Variants in EIF2AK2 observed in about 807,000 individuals in gnomAD.
EIF2AK2 encodes the protein eukaryotic translation initiation factor 2 alpha kinase 2.
A neutral mutation model predicts 70.5 loss-of-function variants in EIF2AK2; 40 were observed. The observed-to-expected ratio is 0.57, with a 90% CI of 0.44 to 0.74. EIF2AK2 has a LOEUF of 0.74. EIF2AK2 is among the 30% of genes least tolerant of loss of function. The probability of loss-of-function intolerance (pLI) is 0.00; values close to 1 mark genes in which losing one functional copy is unlikely to be tolerated. For missense variants in EIF2AK2, 555 were observed against 644.3 expected (o/e 0.86, Z 1.50); for synonymous variants, 198 against 220.9 (o/e 0.90, Z 0.92).
At position 37,135,488 on chromosome 2, in the gene EIF2AK2, T is replaced by C; in HGVS notation, c.781A>G (p.Lys261Glu). ...DMKETKYTVDKRFGMDFKEIE... is the reference protein window; with the variant it reads ...DMKETKYTVDERFGMDFKEIE... ...CTTCAGCACTTAAAATCTTACCTCT[T>C]GTCCACAGTATACTTTGTTTCTTTC... The change falls in exon 10 of 17, where the codon AAG (lysine) becomes GAG (glutamate). Residue 261 changes from lysine to glutamate, a missense_variant. Physicochemically the swap from Lys to Glu is moderately conservative, Grantham distance 56. This residue lies in a region of EIF2AK2 where 299 missense variants were observed against 375.4 expected (regional missense o/e 0.80). Transcript: ENST00000233057. 6.2e-7 allele frequency: 1 copy of C among 1,605,620 alleles called. No individual in the cohort carries two copies.
At chr2:37,115,476 G>C (rs573778697) in intron 13 of EIF2AK2, among the ~76,000 whole-genome samples, 43 of 152,058 alleles carry the variant, frequency 2.8e-4, no homozygotes, top group Non-Finnish European at 5.4e-4. Context: ...CAAGGGAAAA[G>C]ATCCAGGACT....
intron 1 of EIF2AK2, among the ~76,000 whole-genome samples, chr2:37,154,309 G>C (rs1030647319): frequency 3.4e-5 from 5 of 148,070 alleles, no homozygotes; most frequent in African/African-American, 1.0e-4. Context: ...TGGGCAACAA[G>C]AGCGAAACTC....
At position 37,141,515 on chromosome 2, in the gene EIF2AK2, T is replaced by C. The variant is rs1416791926; in HGVS notation, c.389+38A>G. ...AAATAAACCAACTTTATTGCTTAAA[T>C]ACAATGAAACAGAAAGAAAAGCCAA... On this transcript the variant is annotated intron_variant, in intron 5 of 16. Coordinates refer to ENST00000233057, the MANE Select transcript of EIF2AK2 (RefSeq NM_001135651.3). The C allele has an allele frequency of 3.1e-6, 5 of 1,599,068 alleles. No individual in the cohort carries two copies. The South Asian group carries it at 5.8e-5, about 18-fold the overall frequency.
At chr2:37,137,563 C>G (rs1675171225) in intron 8 of EIF2AK2, among the ~76,000 whole-genome samples, 1 of 152,184 alleles carries the variant, frequency 6.6e-6, no homozygotes, top group South Asian at 2.1e-4. Flanking sequence ...CCTACCTTGG[C>G]CTCTCAAGTG....
In EIF2AK2 at chr2:37,148,577, C is replaced by T. The variant is rs1675637523; in HGVS notation, c.-17+280G>A. ...CCAGCTTCGTACTACAAATGAGTGC[C>T]ATAAAACCTACTATACTTGTCACAC... On this transcript the variant is annotated intron_variant, in intron 2 of 16. Transcript: ENST00000233057. 5 of 788,374 alleles carry T rather than the reference C, an allele frequency of 6.3e-6. No individual in the cohort carries two copies. In the South Asian group the frequency reaches 6.9e-5, roughly 11 times the overall value. 48.8% of individuals were successfully genotyped at this position (788,374 alleles called of 1,614,324 possible). A position where few individuals can be genotyped will look rare whatever the true frequency, so the allele number is the denominator to read the frequency against.
chr2:37,131,718 G>A (rs1015520052), intron 10 of EIF2AK2, among the ~76,000 whole-genome samples: 4 of 151,894 alleles, frequency 2.6e-5, no homozygotes, highest in Non-Finnish European at 4.4e-5. Context: ...AGATGGCAGC[G>A]CATCAAAAAA....
rs927659795 is a variant in EIF2AK2, at chr2:37,104,440, C to T, written c.*2833G>A. The T allele has an allele frequency of 2.6e-5, 4 of 152,028 alleles. No individual in the cohort carries two copies. The highest frequency in any genetic ancestry group is 5.9e-5 in the Non-Finnish European group (4 of 68,062). The allele number at this position is 152,028 out of a possible 1,614,324, so 9.4% of individuals were successfully genotyped here. ...GCTCAAGTGATCCTCCCACCTCACC[C>T]CCCCAAGTAGCTGGGACCACAGATG... On this transcript the variant is annotated 3_prime_UTR_variant, in exon 17 of 17. Coordinates refer to ENST00000233057, the MANE Select transcript of EIF2AK2 (RefSeq NM_001135651.3).
chr2:37,123,206 GCAT>G (rs1674616699), intron 11 of EIF2AK2, among the ~76,000 whole-genome samples: 2 of 151,914 alleles, frequency 1.3e-5, no homozygotes, highest in Non-Finnish European at 2.9e-5. Context: ...TTAATGCCAA[GCAT>G]CAGACAATTT....
At chr2:37,111,398 C>CTTTTTTTTTTTTTTTTTTT (rs567678890) in intron 14 of EIF2AK2, among the ~76,000 whole-genome samples, 1 of 130,872 alleles carries the variant, frequency 7.6e-6, no homozygotes, top group Non-Finnish European at 1.7e-5. Flanking sequence ...AATTTCTTTT[C>CTTTTTTTTTTTTTTTTTTT]TTTTTTTTTT....
chr2:37,106,642 T>C lies in EIF2AK2; in HGVS notation c.*631A>G, dbSNP rs536645668. 6.6e-6 allele frequency: 1 copy of C among 152,146 alleles called. No individual in the cohort carries two copies. The highest frequency in any genetic ancestry group is 2.4e-5 in the African/African-American group (1 of 41,514). 9.4% of individuals were successfully genotyped at this position (152,146 alleles called of 1,614,324 possible). A position where few individuals can be genotyped will look rare whatever the true frequency, so the allele number is the denominator to read the frequency against. ...AGCTATGTGAGGCAGAGAACGATCT[T>C]ACATTTTTTTGGCCTAAAAGCGGTA... On this transcript the variant is annotated 3_prime_UTR_variant, in exon 17 of 17. Transcript: ENST00000233057.
chr2:37,122,324 G>A (rs1470552887), intron 12 of EIF2AK2, among the ~76,000 whole-genome samples, 182 bp downstream of exon 12: 1 of 152,180 alleles, frequency 6.6e-6, no homozygotes, highest in African/African-American at 2.4e-5. Context: ...TGCAGCAAGA[G>A]GAGGAGCAAG....
intron 1 of EIF2AK2, among the ~76,000 whole-genome samples, chr2:37,153,271 A>C (rs1675808458): frequency 6.6e-6 from 1 of 151,400 alleles, no homozygotes; most frequent in East Asian, 1.9e-4. Context: ...TAATCTTTCC[A>C]AACAGAAAGT....
At chr2:37,114,492 A>G (rs1186946141) in intron 14 of EIF2AK2, among the ~76,000 whole-genome samples, 8 of 152,236 alleles carry the variant, frequency 5.3e-5, no homozygotes, top group Middle Eastern at 3.4e-3. Flanking sequence ...GTACACATAT[A>G]TATGTTTCTG....
intron 1 of EIF2AK2, among the ~76,000 whole-genome samples, chr2:37,152,023 G>A (rs542102507): frequency 2.6e-5 from 4 of 152,336 alleles, no homozygotes; most frequent in African/African-American, 9.6e-5. Context: ...CTGAGATCGC[G>A]CCACTGCACT....
At chr2:37,127,583 C>T (rs780373749) in intron 10 of EIF2AK2, among the ~76,000 whole-genome samples, 9 of 152,094 alleles carry the variant, frequency 5.9e-5, no homozygotes, top group Non-Finnish European at 1.2e-4. Context: ...CCTTCTCATA[C>T]GCCCTTCCTT....
At chr2:37,111,878 A>AAAAAAT (rs1553335064) in intron 14 of EIF2AK2, among the ~76,000 whole-genome samples, 4 of 69,130 alleles carry the variant, frequency 5.8e-5, no homozygotes, top group African/African-American at 1.9e-4. Flanking sequence ...AAAAAAAAAA[A>AAAAAAT]ATATATATAT....
chr2:37,148,089 G>A (rs1675617346), intron 2 of EIF2AK2, among the ~76,000 whole-genome samples: 1 of 152,140 alleles, frequency 6.6e-6, no homozygotes, highest in Admixed American at 6.5e-5. Context: ...CAGCCAAGGT[G>A]GGCGGATCAC....
rs781631870 is a variant in EIF2AK2, at chr2:37,109,258, T to C, written c.1415A>G (p.Tyr472Cys). The C allele has an allele frequency of 2.5e-6, 4 of 1,614,164 alleles. No individual in the cohort carries two copies. The highest frequency in any genetic ancestry group is 2.2e-5 in the East Asian group (1 of 44,876). ...TTCAGCAAGAATTAGCCCCAAAGCG[T>C]AGAGGTCCACTTCCTTTCCATAGTC... is the stretch of plus-strand genomic sequence containing the variant. ...SQDYGKEVDL[Y>C]ALGLILAELL... Residue 472 changes from tyrosine (Y) to cysteine (C), a missense_variant, in exon 15 of 17, where the codon TAC becomes TGC. Around this residue, in one of 3 missense-constraint regions of EIF2AK2, gnomAD observed 299 missense variants for 375.4 expected, o/e 0.80. Coordinates refer to ENST00000233057, the MANE Select transcript of EIF2AK2 (RefSeq NM_001135651.3).
intron 4 of EIF2AK2, among the ~76,000 whole-genome samples, chr2:37,144,113 A>T (rs915537429): frequency 6.6e-6 from 1 of 152,166 alleles, no homozygotes; most frequent in Admixed American, 6.5e-5. Flanking sequence ...TAAATTTCAT[A>T]TTTTTAGTAC....
Sources: gnomAD v4.1 joint callset for allele counts (sites outside exome capture counted in the v4.1 genomes callset) on GRCh38, gnomAD v4.1.1 for gene constraint, gnomAD v4.1.1 regional missense constraint, MANE v1.5 for transcripts, NCBI Gene and HGNC (gene_info 2026-07-23, HGNC 2026-07-21) for gene names.